The following GPRC6A variants were observed in gnomAD, a reference collection of about 807,000 sequenced individuals.
GPRC6A encodes G protein-coupled receptor class C group 6 member A, also known as G protein-coupled receptor family C group 6 member A.
GPRC6A carries 54 observed loss-of-function variants against 47.0 expected under a neutral mutation model. The observed-to-expected ratio is 1.15, with a 90% CI of 0.92 to 1.44. GPRC6A has a LOEUF of 1.44. Ranked by LOEUF, GPRC6A falls within the 40% of genes most tolerant of loss-of-function variation. The pLI is 0.00. For missense variants in GPRC6A, 1,112 were observed against 1,105.5 expected (o/e 1.01, Z -0.08); for synonymous variants, 347 against 377.1 (o/e 0.92, Z 0.93).
chr6:116,793,338 A>G (rs1582450906), intron 5 of GPRC6A, 88 bp from the exon 6 acceptor site: 1 of 904,492 alleles, frequency 1.1e-6, no homozygotes, highest in African/African-American at 1.7e-5. Flanking sequence ...GTCTTCTTTA[A>G]TAGTTCTGAC....
chr6:116,815,653 A>ATT (rs1196304609), intron 1 of GPRC6A, among the ~76,000 whole-genome samples: 5 of 152,250 alleles, frequency 3.3e-5, no homozygotes, highest in Admixed American at 1.3e-4. Context: ...AAAAATAAAA[A>ATT]TTATATCAAA....
intron 1 of GPRC6A, among the ~76,000 whole-genome samples, chr6:116,813,191 T>C (rs1416063299): frequency 3.3e-5 from 5 of 152,140 alleles, no homozygotes; most frequent in African/African-American, 1.2e-4. Context: ...CCCAAGGTAA[T>C]TTATAGATTC....
In GPRC6A at chr6:116,806,969, G is replaced by T; in HGVS notation, c.736C>A (p.Pro246Thr). 1 of 1,613,568 alleles carries T rather than the reference G, an allele frequency of 6.2e-7. No individual in the cohort carries two copies. The highest frequency in any genetic ancestry group is 8.5e-7 in the Non-Finnish European group (1 of 1,179,694). The change falls in exon 3 of 6, where the codon CCA becomes ACA. Residue 246 changes from proline (P) to threonine (T), a missense_variant. Transcript: ENST00000310357. ...ATGGTATTATCTGAAAGAAAGGCTGGAAGAACCTCTTTGAAGGCTATGCAC... is the reference window on the plus strand; with the variant it reads ...ATGGTATTATCTGAAAGAAAGGCTGTAAGAACCTCTTTGAAGGCTATGCAC... ...NVCIAFKEVL[P>T]AFLSDNTIEV...
chr6:116,800,697 A>C lies in GPRC6A; in HGVS notation c.1435T>G (p.Trp479Gly). The C allele has an allele frequency of 6.2e-7, 1 of 1,610,460 alleles. No individual in the cohort carries two copies. The highest frequency in any genetic ancestry group is 8.5e-7 in the Non-Finnish European group (1 of 1,176,820). ...GTCATGTGTCCATTGATCTCCTTCC[A>C]GAGCACAACATCATATCCAGTATTT... ...DLNTGYDVVL[W>G]KEINGHMTVT... Residue 479 changes from tryptophan (W) to glycine (G), a missense_variant, in exon 4 of 6, where the codon TGG becomes GGG. Coordinates refer to ENST00000310357, the MANE Select transcript of GPRC6A (RefSeq NM_148963.4).
At chr6:116,824,872 G>A (rs1229908989) in intron 1 of GPRC6A, among the ~76,000 whole-genome samples, 1 of 151,880 alleles carries the variant, frequency 6.6e-6, no homozygotes, top group East Asian at 1.9e-4. Context: ...ATTCAACAGT[G>A]CGTCACAAAG....
intron 1 of GPRC6A, among the ~76,000 whole-genome samples, chr6:116,818,038 A>G (rs929329186): frequency 6.6e-6 from 1 of 152,158 alleles, no homozygotes; most frequent in Admixed American, 6.5e-5. Flanking sequence ...GAACGCCACA[A>G]AGATACTCCT....
At chr6:116,793,622 TC>T (rs1323555618) in intron 5 of GPRC6A, among the ~76,000 whole-genome samples, 2 of 152,172 alleles carry the variant, frequency 1.3e-5, no homozygotes, top group Non-Finnish European at 2.9e-5. Context: ...TCTTATCTCT[TC>T]CACTTATAAT....
chr6:116,825,417 G>GT (rs1313206643), intron 1 of GPRC6A, among the ~76,000 whole-genome samples: 1 of 151,534 alleles, frequency 6.6e-6, no homozygotes, highest in Non-Finnish European at 1.5e-5. Flanking sequence ...TAGGATTTTT[G>GT]TACACCGGTA....
chr6:116,794,986 C>T (rs191300945), intron 5 of GPRC6A, among the ~76,000 whole-genome samples: 2 of 152,234 alleles, frequency 1.3e-5, no homozygotes, highest in East Asian at 1.9e-4. Context: ...AGCTTTTCTA[C>T]AAGATGAATG....
intron 3 of GPRC6A, 52 bp downstream of exon 3, chr6:116,806,318 A>G (rs1772833896): frequency 8.8e-7 from 1 of 1,134,236 alleles, no homozygotes; most frequent in African/African-American, 1.5e-5. Context: ...ACAAGGGAGG[A>G]AATGGGGAAA....
Position 116,820,318 on chromosome 6 carries a change from G to A in GPRC6A, c.194+8502C>T, listed in dbSNP as rs376501931. On this transcript the variant is annotated intron_variant, in intron 1 of 5. Coordinates refer to ENST00000310357, the MANE Select transcript of GPRC6A (RefSeq NM_148963.4). ...GTACCATTCCTTCTGAAACTATTCC[G>A]ATCAATAGAAAAAGAGGGAATCCTC... is the stretch of plus-strand genomic sequence containing the variant. Among the ~76,000 whole-genome samples the A allele has an allele frequency of 6.4e-3, 972 of 152,140 alleles. 4 individuals carry two copies. The highest frequency in any genetic ancestry group is 0.011 in the African/African-American group (458 of 41,488).
At chr6:116,796,082 C>A (rs930484907) in intron 4 of GPRC6A, among the ~76,000 whole-genome samples, 3 of 151,898 alleles carry the variant, frequency 2.0e-5, no homozygotes, top group African/African-American at 7.2e-5. Context: ...GAAATTAGCC[C>A]TTTCAGAAAG....
chr6:116,821,033 A>G (rs368196911), intron 1 of GPRC6A, among the ~76,000 whole-genome samples: 1 of 150,394 alleles, frequency 6.6e-6, no homozygotes, highest in Non-Finnish European at 1.5e-5. Context: ...AAATCAATGT[A>G]CAAAAATCAC....
chr6:116,823,864 A>T (rs1270291582), intron 1 of GPRC6A, among the ~76,000 whole-genome samples: 1 of 152,072 alleles, frequency 6.6e-6, no homozygotes, highest in Non-Finnish European at 1.5e-5. Flanking sequence ...AGGAAGAAAG[A>T]GGGAGGGGAT....
At chr6:116,798,906 C>G (rs1393423924) in intron 4 of GPRC6A, among the ~76,000 whole-genome samples, 1 of 144,970 alleles carries the variant, frequency 6.9e-6, no homozygotes, top group African/African-American at 2.5e-5. Flanking sequence ...AAAAAAGAAA[C>G]AGACCAAAGG....
intron 1 of GPRC6A, among the ~76,000 whole-genome samples, chr6:116,822,787 C>G (rs190993938): frequency 1.0e-4 from 15 of 149,544 alleles, no homozygotes; most frequent in African/African-American, 3.0e-4. Context: ...GTGCAGCGCA[C>G]CAGCATGGCA....
In GPRC6A at chr6:116,792,757, C is replaced by T; in HGVS notation, c.2166G>A (p.Trp722Ter). Residue 722 changes from tryptophan to a stop codon, truncating the protein, a stop_gained, in exon 6 of 6, where the codon TGG becomes TGA. Transcript: ENST00000310357. LOFTEE classifies it low-confidence loss of function (END_TRUNC). ...CTACAGTAGGTGCTGCAAAGATTAG[C>T]CAGAGTGTGCAAATGACAACCTGGA... Reference protein sequence around the residue: ...TGIQVVICTLWLIFAAPTVEV... With the variant: ...TGIQVVICTL The T allele has an allele frequency of 1.2e-6, 2 of 1,613,930 alleles. No homozygotes were observed. The highest frequency in any genetic ancestry group is 1.7e-6 in the Non-Finnish European group (2 of 1,179,940).
intron 1 of GPRC6A, among the ~76,000 whole-genome samples, chr6:116,820,456 T>C (rs1202675730): frequency 2.0e-5 from 3 of 151,950 alleles, no homozygotes; most frequent in Admixed American, 1.3e-4. Context: ...GCAAAAATCC[T>C]CAATAAAATA....
At position 116,806,899 on chromosome 6, in the gene GPRC6A, G is replaced by A; in HGVS notation, c.806C>T (p.Ala269Val). Residue 269 changes from alanine to valine, a missense_variant, in exon 3 of 6, where the codon GCC becomes GTC. Transcript: ENST00000310357. ...AAATACCACAATGACATTAACCTGGGCTTCTAAAATGATTTTCTTCAGTGT... is the reference window on the plus strand; with the variant it reads ...AAATACCACAATGACATTAACCTGGACTTCTAAAATGATTTTCTTCAGTGT... Reference protein sequence around the residue: ...NRTLKKIILEAQVNVIVVFLR... With the variant: ...NRTLKKIILEVQVNVIVVFLR... 1 of 1,613,532 alleles carries A rather than the reference G, an allele frequency of 6.2e-7. No homozygotes were observed. The highest frequency in any genetic ancestry group is 8.5e-7 in the Non-Finnish European group (1 of 1,179,758).
Sources: allele counts gnomAD v4.1 joint callset (sites outside exome capture counted in the v4.1 genomes callset), GRCh38; gene constraint gnomAD v4.1.1; transcripts MANE v1.5; gene names NCBI Gene and HGNC (gene_info 2026-07-23, HGNC 2026-07-21).